ABCC9: variants seen among roughly 807,000 people sequenced by gnomAD.
ABCC9 encodes ATP-binding cassette sub-family C member 9.
Under a neutral mutation model 188.3 loss-of-function variants are expected in ABCC9, and 95 were observed. The observed-to-expected ratio is 0.50, with a 90% CI of 0.43 to 0.60. The LOEUF (loss-of-function observed/expected upper bound fraction) is 0.60. ABCC9 is among the 20% of genes least tolerant of loss of function. The pLI, the probability that ABCC9 is intolerant of heterozygous loss-of-function variation, is 0.00. For missense variants in ABCC9, 1,102 were observed against 1,876.3 expected (o/e 0.59, Z 7.62); for synonymous variants, 659 against 652.7 (o/e 1.01, Z -0.15).
rs556926066 is a variant in ABCC9 at position 21,874,990 on chromosome 12, A to G, written c.2092+664T>C. ...AAGTTCTAGAAATCTGCTGGTCAAT[A>G]TAGTACATACGATTAACAATATAGT... On this transcript the variant is annotated intron_variant, in intron 17 of 39. Coordinates refer to ENST00000261200, the MANE Select transcript of ABCC9 (RefSeq NM_020297.4). Among the ~76,000 whole-genome samples the G allele has an allele frequency of 3.3e-5, 5 of 152,338 alleles. No homozygotes were observed. In the South Asian group the frequency reaches 8.3e-4, roughly 25 times the overall value.
rs142667078 is a variant in ABCC9, at chr12:21,917,191, C to A, written c.407-88G>T. 7.2e-3 allele frequency: 9,719 copies of A among 1,354,050 alleles called. 49 individuals carry two copies. Among genetic ancestry groups the A allele is most frequent in the Middle Eastern group, 0.026 (120 of 4,604 alleles). The allele number at this position is 1,354,050 out of a possible 1,614,324, so 83.9% of individuals were successfully genotyped here. A position where few individuals can be genotyped will look rare whatever the true frequency, so the allele number is the denominator to read the frequency against. On this transcript the variant is annotated intron_variant, in intron 5 of 39. Coordinates refer to ENST00000261200, the MANE Select transcript of ABCC9 (RefSeq NM_020297.4). ...ATGTAATTATGATGCTTTTTAATAA[C>A]AAAGGCAATTTTATGTACTATATTT...
At chr12:21,931,179 A>G (rs1949268706) in intron 4 of ABCC9, among the ~76,000 whole-genome samples, 1 of 152,094 alleles carries the variant, frequency 6.6e-6, no homozygotes, top group Admixed American at 6.5e-5. Flanking sequence ...TGATTAGATA[A>G]TGGCAACAAT....
intron 12 of ABCC9, among the ~76,000 whole-genome samples, chr12:21,903,778 AGAG>A (rs1947890255): frequency 6.6e-6 from 1 of 152,254 alleles, no homozygotes; most frequent in Admixed American, 6.5e-5. Context: ...ATGAAATAAA[AGAG>A]GACACAAACA....
At chr12:21,849,267 A>AT (rs917158685) in intron 24 of ABCC9, among the ~76,000 whole-genome samples, 94 of 151,914 alleles carry the variant, frequency 6.2e-4, no homozygotes, top group Middle Eastern at 3.4e-3. Flanking sequence ...ACCTTGGTTG[A>AT]TTTTTTTTGG....
intron 5 of ABCC9, among the ~76,000 whole-genome samples, chr12:21,917,441 T>C (rs1412826939): frequency 6.6e-6 from 1 of 152,196 alleles, no homozygotes; most frequent in Non-Finnish European, 1.5e-5. Context: ...GGTCCTGTTT[T>C]CAAAGAGCCT....
chr12:21,902,360 G>A (rs564425031), intron 12 of ABCC9, among the ~76,000 whole-genome samples: 4 of 151,868 alleles, frequency 2.6e-5, no homozygotes, highest in South Asian at 2.1e-4. Flanking sequence ...GATCTAAAAC[G>A]GACACCCTAA....
intron 2 of ABCC9, among the ~76,000 whole-genome samples, chr12:21,937,121 A>ATGT: frequency 6.6e-6 from 1 of 152,202 alleles, no homozygotes; most frequent in African/African-American, 2.4e-5. Flanking sequence ...AAACAACAAA[A>ATGT]GTTGTTCAGT....
At chr12:21,895,738 G>A (rs896881394) in intron 12 of ABCC9, among the ~76,000 whole-genome samples, 5 of 152,268 alleles carry the variant, frequency 3.3e-5, no homozygotes, top group African/African-American at 1.2e-4. Flanking sequence ...ACATCACTTC[G>A]AGTTCTCTTT....
rs1300784096 is a variant in ABCC9 at position 21,915,677 on chromosome 12, T to C, written c.807A>G (p.Glu269=). ...TNYVCLKDAY[E]EQKKKVADHP... The stretch of plus-strand genomic sequence containing the variant: ...ACAGACGCTAAATCACCTTTTGTTC[T>C]TCATATGCATCTTTCAGGCAAACAT... Residue 269 remains glutamate, a synonymous_variant, in exon 7 of 40, where the codon GAA becomes GAG. Transcript: ENST00000261200. 5.0e-6 allele frequency: 8 copies of C among 1,612,114 alleles called. No individual in the cohort carries two copies. Among genetic ancestry groups the C allele is most frequent in the Admixed American group, 1.7e-5 (1 of 59,716 alleles).
intron 3 of ABCC9, 77 bp from the exon 4 acceptor site, chr12:21,934,000 G>T: frequency 6.4e-7 from 1 of 1,554,652 alleles, no homozygotes. Context: ...TTTAAATTAT[G>T]ATAAGCTTTA....
chr12:21,852,724 A>G (rs951711910), intron 22 of ABCC9, among the ~76,000 whole-genome samples: 3 of 152,136 alleles, frequency 2.0e-5, no homozygotes, highest in Non-Finnish European at 4.4e-5. Flanking sequence ...CACAATTTAT[A>G]TAAAAAGCCT....
rs1565768581 is a variant in ABCC9 at position 21,875,649 on chromosome 12, CT to C, written c.2092+4del. 1 of 1,595,168 alleles carries C rather than the reference CT, an allele frequency of 6.3e-7. No individual in the cohort carries two copies. The highest frequency in any genetic ancestry group is 8.6e-7 in the Non-Finnish European group (1 of 1,162,862). On this transcript the variant is annotated splice_donor_region_variant and intron_variant, in intron 17 of 39. Coordinates refer to ENST00000261200, the MANE Select transcript of ABCC9 (RefSeq NM_020297.4). ...TTACAAAAATGCATAACAGATAACT[CT>C]TACCTGTTGGAATTCGAATATCTAT...
At chr12:21,887,782 C>T (rs762563280) in intron 15 of ABCC9, 44 bp downstream of exon 15, 2 of 1,203,758 alleles carry the variant, frequency 1.7e-6, no homozygotes, top group Non-Finnish European at 2.5e-6. Flanking sequence ...TCTGCTGAGA[C>T]TGTCCTCTAT....
intron 2 of ABCC9, among the ~76,000 whole-genome samples, chr12:21,939,543 G>A (rs1038032365): frequency 3.3e-5 from 5 of 152,122 alleles, no homozygotes; most frequent in African/African-American, 7.2e-5. Context: ...GGTATAAATC[G>A]CTGTTCTTGC....
intron 29 of ABCC9, among the ~76,000 whole-genome samples, chr12:21,840,172 T>C (rs1159284004): frequency 6.6e-6 from 1 of 152,222 alleles, no homozygotes; most frequent in African/African-American, 2.4e-5. Context: ...ATTTTAAATA[T>C]TCATTTTTTC....
In ABCC9 at chr12:21,817,238, T is replaced by G; in HGVS notation, c.3841A>C (p.Lys1281Gln). ...TCCATAGTCAGGAAACTGTTCACCT[T>G]CTTCACTGCACCCATCTGGACCTCC... The part of the protein sequence containing the change: ...DLEVQMGAVK[K>Q]VNSFLTMESE... The change falls in exon 33 of 40, where the codon AAG (lysine) becomes CAG (glutamine). Residue 1281 changes from lysine (K) to glutamine (Q), a missense_variant. By Grantham distance (53) the Lys-to-Gln change is moderately conservative. Transcript: ENST00000261200. 1 of 1,613,898 alleles carries G rather than the reference T, an allele frequency of 6.2e-7. No individual in the cohort carries two copies. The highest frequency in any genetic ancestry group is 8.5e-7 in the Non-Finnish European group (1 of 1,179,842).
chr12:21,826,265 TA>T (rs4148676), intron 31 of ABCC9, among the ~76,000 whole-genome samples: 89 of 145,800 alleles, frequency 6.1e-4, no homozygotes, highest in Admixed American at 8.3e-4. Flanking sequence ...TTCATTACTT[TA>T]AAAAAAAAAA....
intron 39 of ABCC9, among the ~76,000 whole-genome samples, chr12:21,803,353 AAAAAAT>A (rs1195597344): frequency 3.9e-5 from 6 of 152,026 alleles, no homozygotes. Flanking sequence ...ATTTACTAGA[AAAAAAT>A]AAAAATAAAA....
intron 14 of ABCC9, among the ~76,000 whole-genome samples, chr12:21,889,068 T>C (rs549837507): frequency 2.0e-5 from 3 of 152,282 alleles, no homozygotes; most frequent in Admixed American, 6.5e-5. Context: ...TCAGAACTTG[T>C]TTTTTGTGAC....
Sources: allele counts gnomAD v4.1 joint callset (sites outside exome capture counted in the v4.1 genomes callset), GRCh38; gene constraint gnomAD v4.1.1; transcripts MANE v1.5; gene names NCBI Gene and HGNC (gene_info 2026-07-23, HGNC 2026-07-21).